Variants in EFR3A observed in about 807,000 individuals in gnomAD.
EFR3A encodes the protein EFR3 homolog A.
Under a neutral mutation model 104.4 loss-of-function variants are expected in EFR3A, and 76 were observed. That is an observed-to-expected ratio of 0.73 (90% confidence interval 0.60 to 0.88). EFR3A has a LOEUF of 0.88. Among genes scored for constraint, EFR3A ranks in the 40% least tolerant of loss-of-function variants. EFR3A has a pLI of 0.00. For missense variants in EFR3A, 985 were observed against 1,012.5 expected, an observed-to-expected ratio of 0.97 and a Z score of 0.37; for synonymous variants, 330 against 330.0, an observed-to-expected ratio of 1.00 and a Z score of 0.00.
At chr8:131,994,004 G>T (rs1421809240) in intron 18 of EFR3A, among the ~76,000 whole-genome samples, 1 of 152,098 alleles carries the variant, frequency 6.6e-6, no homozygotes, top group African/African-American at 2.4e-5. Context: ...TGTGGGTGAT[G>T]AAATAATCTG....
intron 10 of EFR3A, among the ~76,000 whole-genome samples, chr8:131,975,266 GA>G (rs748968616): frequency 6.6e-6 from 1 of 152,050 alleles, no homozygotes. Context: ...AGAAATCCTG[GA>G]AAACCAGAGT....
At chr8:132,008,172 T>A (rs891940685) in intron 22 of EFR3A, among the ~76,000 whole-genome samples, 1 of 151,962 alleles carries the variant, frequency 6.6e-6, no homozygotes, top group Non-Finnish European at 1.5e-5. Flanking sequence ...GAAAATACAG[T>A]ATACACAATA....
At chr8:131,923,201 GTTAT>G (rs1327187765) in intron 1 of EFR3A, among the ~76,000 whole-genome samples, 2 of 152,090 alleles carry the variant, frequency 1.3e-5, no homozygotes, top group Non-Finnish European at 2.9e-5. Flanking sequence ...TGGGGAGATC[GTTAT>G]TTCGGCAAAG....
intron 7 of EFR3A, 133 bp downstream of exon 7, chr8:131,956,038 G>A: frequency 1.9e-6 from 2 of 1,063,518 alleles, no homozygotes; most frequent in Non-Finnish European, 2.7e-6. Context: ...CATTGTGAAA[G>A]TAGTACAGGA....
At chr8:131,946,885 C>T (rs906982922) in intron 4 of EFR3A, among the ~76,000 whole-genome samples, 1 of 151,972 alleles carries the variant, frequency 6.6e-6, no homozygotes, top group African/African-American at 2.4e-5. Flanking sequence ...TTTATTTTCT[C>T]TTGGTCTTTT....
intron 1 of EFR3A, among the ~76,000 whole-genome samples, chr8:131,932,521 C>T (rs1025814030): frequency 6.6e-6 from 1 of 151,952 alleles, no homozygotes; most frequent in Non-Finnish European, 1.5e-5. Context: ...TTCTTTTGTC[C>T]TCTTGGCATT....
chr8:131,988,653 AC>A (rs986238589), intron 18 of EFR3A, among the ~76,000 whole-genome samples: 10 of 152,078 alleles, frequency 6.6e-5, no homozygotes, highest in African/African-American at 1.7e-4. Context: ...TATTAAAAAA[AC>A]ATTTAAAATA....
At chr8:131,938,036 A>G (rs898215144) in intron 1 of EFR3A, among the ~76,000 whole-genome samples, 2 of 152,102 alleles carry the variant, frequency 1.3e-5, no homozygotes, top group Non-Finnish European at 2.9e-5. Context: ...CTTTGCTTGC[A>G]GAACTTGATA....
chr8:131,909,093 A>G (rs1816386305), intron 1 of EFR3A, among the ~76,000 whole-genome samples: 1 of 152,182 alleles, frequency 6.6e-6, no homozygotes, highest in Non-Finnish European at 1.5e-5. Flanking sequence ...ACTCCGTCTA[A>G]CTGTATGATT....
At chr8:131,930,439 G>A (rs559660878) in intron 1 of EFR3A, among the ~76,000 whole-genome samples, 3 of 121,320 alleles carry the variant, frequency 2.5e-5, no homozygotes, top group South Asian at 2.8e-4. Flanking sequence ...TTAAGAACAC[G>A]GTGGAATGAA....
intron 11 of EFR3A, 105 bp downstream of exon 11, chr8:131,976,246 A>G: frequency 1.3e-6 from 1 of 744,228 alleles, no homozygotes; most frequent in Admixed American, 2.8e-5. Flanking sequence ...ATCATTAGTA[A>G]TAGCATTCCT....
intron 7 of EFR3A, among the ~76,000 whole-genome samples, 190 bp downstream of exon 7, chr8:131,956,095 A>G (rs978799107): frequency 6.6e-6 from 1 of 152,228 alleles, no homozygotes; most frequent in Non-Finnish European, 1.5e-5. Context: ...TTACTTAATT[A>G]GCTTTTTCCC....
intron 22 of EFR3A, among the ~76,000 whole-genome samples, chr8:132,008,105 A>T (rs1374741301): frequency 6.6e-6 from 1 of 152,208 alleles, no homozygotes; most frequent in East Asian, 1.9e-4. Flanking sequence ...CATCCAAATT[A>T]AAAACTTACC....
At chr8:131,904,924 A>G (rs1432636290) in intron 1 of EFR3A, among the ~76,000 whole-genome samples, 1 of 152,178 alleles carries the variant, frequency 6.6e-6, no homozygotes, top group African/African-American at 2.4e-5. Flanking sequence ...GACCCGCCCT[A>G]TTCCCATGGA....
At chr8:131,963,971 C>T (rs956879987) in intron 8 of EFR3A, among the ~76,000 whole-genome samples, 6 of 152,098 alleles carry the variant, frequency 3.9e-5, no homozygotes, top group East Asian at 1.9e-4. Context: ...AGACAAAAAC[C>T]GCATGATTAT....
intron 1 of EFR3A, chr8:131,924,177 A>G: frequency 7.6e-6 from 3 of 395,116 alleles, no homozygotes; most frequent in South Asian, 5.4e-5. Flanking sequence ...GATTATTAGC[A>G]TTTTATGCCA....
chr8:131,984,957 T>A lies in EFR3A; in HGVS notation c.1766T>A (p.Leu589Ter). The A allele has an allele frequency of 6.2e-7, 1 of 1,613,556 alleles. No individual in the cohort carries two copies. Among genetic ancestry groups the A allele is most frequent in the Non-Finnish European group, 8.5e-7 (1 of 1,179,618 alleles). ...AGTGCAATTATCAATGAGGATAATT[T>A]GCCAATGTTCCATCGTTGTGGAATC... is the stretch of plus-strand genomic sequence containing the variant. ...QDSAIINEDNLPMFHRCGIMA... is the reference protein window; with the variant it reads ...QDSAIINEDN The change falls in exon 16 of 23, where the codon TTG becomes TAG. Residue 589 changes from leucine (L) to a stop codon, truncating the protein, a stop_gained. Coordinates refer to ENST00000254624, the MANE Select transcript of EFR3A (RefSeq NM_015137.6). LOFTEE classifies it high-confidence loss of function.
chr8:131,934,364 C>A lies in EFR3A; in HGVS notation c.11-6135C>A, dbSNP rs75819622. 3.3e-3 allele frequency among the ~76,000 whole-genome samples: 498 copies of A among 152,188 alleles called. 3 individuals carry two copies. Among genetic ancestry groups the A allele is most frequent in the African/African-American group, 0.012 (485 of 41,534 alleles). ...TCACGGGAGTCCTCAGTATCCAGTT[C>A]GAGTTCCATGTCCTTGGTAAAACCT... On this transcript the variant is annotated intron_variant, in intron 1 of 22. Transcript: ENST00000254624.
chr8:131,980,644 A>G (rs980694967), intron 14 of EFR3A, among the ~76,000 whole-genome samples: 2 of 152,214 alleles, frequency 1.3e-5, no homozygotes, highest in Middle Eastern at 3.4e-3. Context: ...TTTCTTGCTT[A>G]CCTATCTTGT....
Sources: gnomAD v4.1 joint callset for allele counts (sites outside exome capture counted in the v4.1 genomes callset) on GRCh38, gnomAD v4.1.1 for gene constraint, MANE v1.5 for transcripts, NCBI Gene and HGNC (gene_info 2026-07-23, HGNC 2026-07-21) for gene names.